TBCD: variants seen among roughly 807,000 people sequenced by gnomAD.
TBCD encodes the protein tubulin-specific chaperone D.
TBCD carries 105 observed loss-of-function variants against 169.3 expected under a neutral mutation model. The observed-to-expected ratio is 0.62, with a 90% CI of 0.53 to 0.73. The LOEUF (loss-of-function observed/expected upper bound fraction) is 0.73. Ranked by LOEUF, TBCD falls within the 30% of genes least tolerant of loss-of-function variation. TBCD has a pLI of 0.00. For missense variants in TBCD, 1,444 were observed against 1,600.1 expected, an observed-to-expected ratio of 0.90 and a Z score of 1.66; for synonymous variants, 700 against 643.9, an observed-to-expected ratio of 1.09 and a Z score of -1.32.
chr17:82,837,309 G>A (rs1345890317), intron 13 of TBCD, among the ~76,000 whole-genome samples: 1 of 152,178 alleles, frequency 6.6e-6, no homozygotes, highest in Non-Finnish European at 1.5e-5. Flanking sequence ...TAGTCTCTGT[G>A]TGGTCAGTTT....
chr17:82,937,299 C>G lies in TBCD; in HGVS notation c.3220C>G (p.Leu1074Val), dbSNP rs2062711573. The G allele has an allele frequency of 6.2e-7, 1 of 1,613,938 alleles. No homozygotes were observed. ...DHPFAVKLLA[L>V]CKKEIKNSKD... ...CCCCTTTGCTGTGAAGTTGCTTGCG[C>G]TCTGTAAGAAAGAAATCAAGAATTC... is the stretch of plus-strand genomic sequence containing the variant. The change falls in exon 35 of 39, where the codon CTC (leucine) becomes GTC (valine). Residue 1074 changes from leucine to valine, a missense_variant. By Grantham distance (32) the Leu-to-Val change is conservative. Transcript: ENST00000355528.
chr17:82,901,855 C>T (rs1375130627), intron 18 of TBCD, among the ~76,000 whole-genome samples: 1 of 152,212 alleles, frequency 6.6e-6, no homozygotes, highest in East Asian at 1.9e-4. Flanking sequence ...AAAACTCTCT[C>T]CATTAGGTAC....
At chr17:82,846,269 T>TGCCCCCTCCAC (rs1567878926) in intron 13 of TBCD, among the ~76,000 whole-genome samples, 1 of 118,678 alleles carries the variant, frequency 8.4e-6, no homozygotes, top group Non-Finnish European at 1.8e-5. Context: ...TCCTCTGTGC[T>TGCCCCCTCCAC]GTGTCCTCTT....
At position 82,781,631 on chromosome 17, in the gene TBCD, G is replaced by C; in HGVS notation, c.681G>C (p.Glu227Asp). ...RPDVKQSKMAEFLDWSLCNLA... is the reference protein window; with the variant it reads ...RPDVKQSKMADFLDWSLCNLA... ...ATGTCAAGCAAAGCAAGATGGCTGA[G>C]TTCCTGGACTGGAGCCTGTGCAATC... The change falls in exon 7 of 39, where the codon GAG becomes GAC. Residue 227 changes from glutamate (E) to aspartate (D), a missense_variant. Coordinates refer to ENST00000355528, the MANE Select transcript of TBCD (RefSeq NM_005993.5). 1 of 1,613,884 alleles carries C rather than the reference G, an allele frequency of 6.2e-7. No individual in the cohort carries two copies. The highest frequency in any genetic ancestry group is 8.5e-7 in the Non-Finnish European group (1 of 1,179,868).
chr17:82,871,737 C>T (rs2057574690), intron 14 of TBCD, among the ~76,000 whole-genome samples: 1 of 152,216 alleles, frequency 6.6e-6, no homozygotes, highest in African/African-American at 2.4e-5. Context: ...CCGCACGCCC[C>T]GCGAGCACCA....
chr17:82,926,285 G>A, intron 27 of TBCD, 115 bp from the exon 28 acceptor site: 1 of 948,326 alleles, frequency 1.1e-6, no homozygotes, highest in East Asian at 2.6e-5. Context: ...GTGGTGCCAG[G>A]AGCTGCCTAT....
chr17:82,935,488 C>G (rs113343622), intron 34 of TBCD, among the ~76,000 whole-genome samples: 3,924 of 152,158 alleles, frequency 0.026, 83 homozygotes, highest in Middle Eastern at 0.078. Flanking sequence ...TCCCCGCCCC[C>G]ACCTGTGCTT....
rs1327602840 is a variant in TBCD, at chr17:82,832,033, G to T, written c.1318+17099G>T. The stretch of plus-strand genomic sequence containing the variant: ...GGCACCGAGGGCGGCTTCCGGAGCT[G>T]GGCTCTTGCAGGGTGATGCCCTGTG... On this transcript the variant is annotated intron_variant, in intron 13 of 38. Coordinates refer to ENST00000355528, the MANE Select transcript of TBCD (RefSeq NM_005993.5). The surrounding 1 kb of genome is among the most constrained non-coding windows in gnomAD (Gnocchi z 4.9). 3.7e-6 allele frequency: 6 copies of T among 1,612,736 alleles called. No homozygotes were observed. The highest frequency in any genetic ancestry group is 5.1e-6 in the Non-Finnish European group (6 of 1,178,972).
Position 82,781,585 on chromosome 17 carries a change from G to A in TBCD, c.639-4G>A, listed in dbSNP as rs922856302. The A allele has an allele frequency of 1.9e-6, 3 of 1,613,380 alleles. No homozygotes were observed. The highest frequency in any genetic ancestry group is 1.3e-5 in the African/African-American group (1 of 74,844). ...GCCTTGGTTGAGCTGTATCCTTTTGGCAGATTTATCACACGTCCTGATGTC... is the reference window on the plus strand; with the variant it reads ...GCCTTGGTTGAGCTGTATCCTTTTGACAGATTTATCACACGTCCTGATGTC... On this transcript the variant is annotated splice_region_variant and splice_polypyrimidine_tract_variant and intron_variant, in intron 6 of 38. Coordinates refer to ENST00000355528, the MANE Select transcript of TBCD (RefSeq NM_005993.5).
At chr17:82,775,293 C>T (rs2048525067) in intron 6 of TBCD, among the ~76,000 whole-genome samples, 1 of 152,346 alleles carries the variant, frequency 6.6e-6, no homozygotes, top group African/African-American at 2.4e-5. Context: ...CACACTCTCG[C>T]ACACTGATTC....
chr17:82,813,780 C>A (rs896836556), intron 12 of TBCD, among the ~76,000 whole-genome samples: 4 of 152,222 alleles, frequency 2.6e-5, no homozygotes, highest in African/African-American at 9.6e-5. Context: ...GCAGACAGTA[C>A]ACGTCTGGAA....
In TBCD at chr17:82,810,552, G is replaced by A. The variant is rs554472549; in HGVS notation, c.1223+770G>A. ...TGTGGCTTGTGGGTGGTAAGTTGTG[G>A]GCTGGGATGTGCGGGTGGCAGGGCC... On this transcript the variant is annotated intron_variant, in intron 12 of 38. Transcript: ENST00000355528. Among the ~76,000 whole-genome samples the A allele has an allele frequency of 1.6e-4, 24 of 152,342 alleles. No homozygotes were observed. The South Asian group carries it at 2.9e-3, about 18-fold the overall frequency.
intron 15 of TBCD, among the ~76,000 whole-genome samples, chr17:82,886,641 C>G (rs1386870198): frequency 1.6e-3 from 1 of 632 alleles, no homozygotes; most frequent in East Asian, 0.05. Context: ...GTTTTCTCCC[C>G]TCCCCTCCCC....
chr17:82,754,976 C>T (rs1429009095), intron 1 of TBCD, among the ~76,000 whole-genome samples: 1 of 152,176 alleles, frequency 6.6e-6, no homozygotes, highest in African/African-American at 2.4e-5. Flanking sequence ...CGTGAGGCAG[C>T]CTCAGGAGGT....
Position 82,872,927 on chromosome 17 carries a change from ACGGCTTCTG to A in TBCD, c.1475+2548_1475+2556del, listed in dbSNP as rs1254401808. Among the ~76,000 whole-genome samples the A allele has an allele frequency of 1.4e-3, 196 of 144,078 alleles. 1 individual carries two copies. In the Middle Eastern group the frequency reaches 0.021, roughly 15 times the overall value. The allele number at this position is 144,078 out of a possible 152,430, so 94.5% of individuals were successfully genotyped here. A position where few individuals can be genotyped will look rare whatever the true frequency, so the allele number is the denominator to read the frequency against. ...AGCCAGGCCCGGCACCTCGTGGCCGACGGCTTCTGAGCCAGGCCCGGCACCTCGTGGCCG... is the reference window on the plus strand; with the variant it reads ...AGCCAGGCCCGGCACCTCGTGGCCGAAGCCAGGCCCGGCACCTCGTGGCCG... On this transcript the variant is annotated intron_variant, in intron 14 of 38. Transcript: ENST00000355528.
intron 13 of TBCD, among the ~76,000 whole-genome samples, chr17:82,817,826 C>T (rs1162468563): frequency 6.6e-6 from 1 of 152,198 alleles, no homozygotes; most frequent in Non-Finnish European, 1.5e-5. Flanking sequence ...TCTTGTGTTT[C>T]TGGTGTCATA....
At chr17:82,942,249 T>C in intron 38 of TBCD, 200 bp from the exon 39 acceptor site, 1 of 634,608 alleles carries the variant, frequency 1.6e-6, no homozygotes, top group African/African-American at 1.8e-5. Context: ...CCAGATGGGG[T>C]GCCCTTCCGA....
intron 6 of TBCD, among the ~76,000 whole-genome samples, chr17:82,780,882 G>A (rs979727405): frequency 3.1e-4 from 47 of 151,794 alleles, no homozygotes; most frequent in African/African-American, 1.0e-3. Flanking sequence ...TCCTGACCTC[G>A]TGATCCGCCC....
At chr17:82,759,263 A>T (rs2047620220) in intron 2 of TBCD, among the ~76,000 whole-genome samples, 1 of 151,874 alleles carries the variant, frequency 6.6e-6, no homozygotes, top group Non-Finnish European at 1.5e-5. Flanking sequence ...CGGGTGGATT[A>T]CAAGGTCAGG....
Sources: allele counts gnomAD v4.1 joint callset (sites outside exome capture counted in the v4.1 genomes callset), GRCh38; gene constraint gnomAD v4.1.1; non-coding constraint Gnocchi (gnomAD v3.1); transcripts MANE v1.5; gene names NCBI Gene and HGNC (gene_info 2026-07-23, HGNC 2026-07-21).